BTRC: variants seen among roughly 807,000 people sequenced by gnomAD.
BTRC encodes the protein beta-transducin repeat containing E3 ubiquitin protein ligase.
A neutral mutation model predicts 85.5 loss-of-function variants in BTRC; 42 were observed. The observed-to-expected ratio is 0.49, with a 90% confidence interval of 0.38 to 0.64. BTRC has a LOEUF of 0.64. BTRC is among the 30% of genes least tolerant of loss of function. The pLI is 0.00. For missense variants in BTRC, 594 were observed against 743.5 expected (o/e 0.80, Z 2.34); for synonymous variants, 255 against 263.3 (o/e 0.97, Z 0.30).
At chr10:101,384,847 A>G (rs1225235880) in intron 1 of BTRC, among the ~76,000 whole-genome samples, 1 of 152,222 alleles carries the variant, frequency 6.6e-6, no homozygotes, top group Admixed American at 6.5e-5. Context: ...AGGACAAGAC[A>G]TAGAAGGTTT....
chr10:101,406,628 G>T (rs572637548), intron 1 of BTRC, among the ~76,000 whole-genome samples: 2 of 145,316 alleles, frequency 1.4e-5, no homozygotes, highest in South Asian at 4.4e-4. Flanking sequence ...CCACCTCCTG[G>T]GTTCAAGTGA....
chr10:101,495,510 T>C (rs1564806998), intron 4 of BTRC, among the ~76,000 whole-genome samples: 1 of 152,206 alleles, frequency 6.6e-6, no homozygotes, highest in East Asian at 1.9e-4. Context: ...TGGTGTTTCC[T>C]TAGTTAAAAG....
chr10:101,413,561 G>C (rs1389600955), intron 1 of BTRC, among the ~76,000 whole-genome samples: 2 of 152,068 alleles, frequency 1.3e-5, no homozygotes, highest in Admixed American at 6.5e-5. Flanking sequence ...TGATCCACCC[G>C]CCTTGGCCTC....
chr10:101,395,958 T>C (rs1943351640), intron 1 of BTRC, among the ~76,000 whole-genome samples: 1 of 152,118 alleles, frequency 6.6e-6, no homozygotes, highest in Non-Finnish European at 1.5e-5. Flanking sequence ...GTATTTTTTA[T>C]ATGATGGGAG....
intron 3 of BTRC, among the ~76,000 whole-genome samples, chr10:101,468,800 T>C (rs1945446053): frequency 6.6e-6 from 1 of 152,220 alleles, no homozygotes; most frequent in Non-Finnish European, 1.5e-5. Context: ...AATATATACC[T>C]TCTAGTAAAT....
At chr10:101,448,677 G>A (rs1321943605) in intron 2 of BTRC, among the ~76,000 whole-genome samples, 1 of 151,974 alleles carries the variant, frequency 6.6e-6, no homozygotes, top group East Asian at 1.9e-4. Flanking sequence ...CATTTCTGTG[G>A]TGGAGATGAA....
chr10:101,548,868 C>CA (rs2062600625), intron 13 of BTRC, among the ~76,000 whole-genome samples: 1 of 152,062 alleles, frequency 6.6e-6, no homozygotes, highest in Admixed American at 6.5e-5. Flanking sequence ...TCCTGGCCAA[C>CA]ATGGTGAAAC....
chr10:101,421,253 ATTTC>A (rs2134053922), intron 1 of BTRC, among the ~76,000 whole-genome samples: 1 of 151,982 alleles, frequency 6.6e-6, no homozygotes, highest in East Asian at 1.9e-4. Context: ...CTTGGGTGCG[ATTTC>A]TTTATTTAGT....
Position 101,367,030 on chromosome 10 carries a change from A to T in BTRC, c.48+12802A>T, listed in dbSNP as rs1375027542. Among the ~76,000 whole-genome samples, 7 of 64,626 alleles carry T rather than the reference A, an allele frequency of 1.1e-4. 1 individual carries two copies. Among genetic ancestry groups the T allele is most frequent in the East Asian group, 2.9e-4 (1 of 3,492 alleles). The allele number at this position is 64,626 out of a possible 152,430, so 42.4% of individuals were successfully genotyped here. A position where few individuals can be genotyped will look rare whatever the true frequency, so the allele number is the denominator to read the frequency against. Reference sequence around the variant, plus strand: ...TTTATATATATATTTATATTTATATATTTATATATATAAATATATATATAT... The same window carrying T: ...TTTATATATATATTTATATTTATATTTTTATATATATAAATATATATATAT... On this transcript the variant is annotated intron_variant, in intron 1 of 14. Coordinates refer to ENST00000370187, the MANE Select transcript of BTRC (RefSeq NM_033637.4).
intron 1 of BTRC, among the ~76,000 whole-genome samples, chr10:101,399,324 T>A (rs1031811425): frequency 0.21 from 129 of 612 alleles, no homozygotes; most frequent in African/African-American, 0.31. Context: ...GAATCACCTT[T>A]TTTTTTTTTT....
At chr10:101,393,528 C>G (rs1376111248) in intron 1 of BTRC, among the ~76,000 whole-genome samples, 1 of 152,104 alleles carries the variant, frequency 6.6e-6, no homozygotes, top group Non-Finnish European at 1.5e-5. Context: ...CTAGGACATA[C>G]AGGGACACAT....
chr10:101,389,348 A>G (rs916931544), intron 1 of BTRC, among the ~76,000 whole-genome samples: 2 of 151,860 alleles, frequency 1.3e-5, no homozygotes, highest in African/African-American at 2.4e-5. Context: ...TTGGGTTATT[A>G]TCATTTCTTT....
At chr10:101,518,114 G>A (rs370907792) in intron 4 of BTRC, among the ~76,000 whole-genome samples, 10,058 of 151,548 alleles carry the variant, frequency 0.066, 351 homozygotes, top group Non-Finnish European at 0.074. Context: ...GGGTTTCACC[G>A]TTTTAGCCGG....
chr10:101,364,138 A>G (rs1234420391), intron 1 of BTRC, among the ~76,000 whole-genome samples: 1 of 151,996 alleles, frequency 6.6e-6, no homozygotes, highest in African/African-American at 2.4e-5. Flanking sequence ...GATGCTTATT[A>G]TGACAACTAT....
intron 1 of BTRC, among the ~76,000 whole-genome samples, chr10:101,405,043 A>G (rs1467920103): frequency 6.7e-6 from 1 of 149,780 alleles, no homozygotes; most frequent in African/African-American, 2.5e-5. Flanking sequence ...GTTTTGGGTT[A>G]TATCCACCCA....
chr10:101,413,606 A>C (rs1943843829), intron 1 of BTRC, among the ~76,000 whole-genome samples: 1 of 152,128 alleles, frequency 6.6e-6, no homozygotes, highest in Non-Finnish European at 1.5e-5. Flanking sequence ...GAGCCACTGC[A>C]CCCAGCCTGA....
intron 4 of BTRC, among the ~76,000 whole-genome samples, chr10:101,505,177 A>ATT (rs1554889463): frequency 6.6e-4 from 92 of 139,398 alleles, no homozygotes; most frequent in African/African-American, 2.3e-3. Context: ...ATATATATAT[A>ATT]TTTTTTAGTA....
At chr10:101,373,655 C>T (rs1052847712) in intron 1 of BTRC, among the ~76,000 whole-genome samples, 26 of 152,066 alleles carry the variant, frequency 1.7e-4, no homozygotes, top group African/African-American at 6.3e-4. Flanking sequence ...CGGTGGTTCA[C>T]GCCTGTAATC....
At chr10:101,543,615 C>CTT (rs60958588) in intron 13 of BTRC, among the ~76,000 whole-genome samples, 10 of 147,118 alleles carry the variant, frequency 6.8e-5, no homozygotes, top group African/African-American at 1.5e-4. Flanking sequence ...TTTTCATGCT[C>CTT]TTTTTTTTTT....
Sources: allele counts gnomAD v4.1 joint callset (sites outside exome capture counted in the v4.1 genomes callset), GRCh38; gene constraint gnomAD v4.1.1; transcripts MANE v1.5; gene names NCBI Gene and HGNC (gene_info 2026-07-23, HGNC 2026-07-21).